RFX1: variants seen among roughly 807,000 people sequenced by gnomAD.
RFX1 encodes the protein regulatory factor X1, also known as MHC class II regulatory factor RFX1.
Under a neutral mutation model 119.6 loss-of-function variants are expected in RFX1, and 42 were observed. The ratio of observed to expected loss-of-function variants is 0.35; its 90% CI spans 0.27 to 0.45. The LOEUF (loss-of-function observed/expected upper bound fraction) is 0.45, where lower values mean the gene tolerates loss of function less well. RFX1 is among the 20% of genes least tolerant of loss of function. The pLI is 1.00. For synonymous variants in RFX1, 628 were observed against 618.5 expected (o/e 1.02, Z -0.23); for missense variants, 1,118 against 1,368.1 (o/e 0.82, Z 2.88).
In RFX1 at chr19:13,968,973, G is replaced by A. The variant is rs73517668; in HGVS notation, c.1497-79C>T. On this transcript the variant is annotated intron_variant, in intron 10 of 20. Transcript: ENST00000254325. The surrounding 1 kb of genome is among the most constrained non-coding windows in gnomAD (Gnocchi z 5.5). ...CCATGGAGCACCTCACAGCACACCC[G>A]TCTCCTCTCTGTTAGGAGAATGGAT... is the stretch of plus-strand genomic sequence containing the variant. 1.0e-3 allele frequency: 1,465 copies of A among 1,459,288 alleles called. 15 individuals carry two copies. In the African/African-American group the frequency reaches 0.018, roughly 18 times the overall value. 90.4% of individuals were successfully genotyped at this position (1,459,288 alleles called of 1,614,324 possible).
intron 2 of RFX1, among the ~76,000 whole-genome samples, chr19:13,984,848 C>T (rs1389447294): frequency 6.6e-6 from 1 of 152,186 alleles, no homozygotes; most frequent in Non-Finnish European, 1.5e-5. Context: ...AGACTCTGGA[C>T]AGCCAGAGAT....
At chr19:14,005,156 G>A (rs1975332883) in intron 1 of RFX1, among the ~76,000 whole-genome samples, 1 of 152,132 alleles carries the variant, frequency 6.6e-6, no homozygotes, top group South Asian at 2.1e-4. Flanking sequence ...ACAAACCCCC[G>A]CAACCTCAAA....
rs199908519 is a variant in RFX1, at chr19:13,965,596, C to T, written c.2113+30G>A. On this transcript the variant is annotated intron_variant, in intron 15 of 20. Transcript: ENST00000254325. This position sits in a 1 kb window ranked among gnomAD's most constrained non-coding sequence, Gnocchi z 4.7. ...CAGGGCAGGGCGGGTGTATGTGGGG[C>T]AGGGGATGCCGAGCAGGCCGAGCAC... 12 of 1,612,270 alleles carry T rather than the reference C, an allele frequency of 7.4e-6. No individual in the cohort carries two copies. In the African/African-American group the frequency reaches 1.3e-4, roughly 18 times the overall value.
chr19:13,977,972 A>C lies in RFX1; in HGVS notation c.929+20T>G. The C allele has an allele frequency of 1.3e-6, 2 of 1,568,092 alleles. No homozygotes were observed. Among genetic ancestry groups the C allele is most frequent in the Non-Finnish European group, 1.8e-6 (2 of 1,141,580 alleles). On this transcript the variant is annotated intron_variant, in intron 8 of 20. Coordinates refer to ENST00000254325, the MANE Select transcript of RFX1 (RefSeq NM_002918.5). ...CAGTGCAGACCTGACTCCCTCACCC[A>C]CCCCTCTCCCTTCACTTACATGGCA...
intron 4 of RFX1, among the ~76,000 whole-genome samples, chr19:13,982,681 G>A (rs900921298): frequency 2.6e-5 from 4 of 152,192 alleles, no homozygotes; most frequent in African/African-American, 9.7e-5. Context: ...GTGCACACCT[G>A]TAGTCTCAGC....
chr19:14,006,203 T>TG lies in RFX1; in HGVS notation c.-154dup, dbSNP rs946127689. The TG allele has an allele frequency of 6.6e-6, 1 of 151,286 alleles. No individual in the cohort carries two copies. Among genetic ancestry groups the TG allele is most frequent in the African/African-American group, 2.4e-5 (1 of 41,198 alleles). The allele number at this position is 151,286 out of a possible 1,614,324, so 9.4% of individuals were successfully genotyped here. ...CGTGCTGGGGTCCCCGGGCCGGGCC[T>TG]GGGGGGTGGGGGTGGGGGTCGGCCG... is the stretch of plus-strand genomic sequence containing the variant. On this transcript the variant is annotated 5_prime_UTR_variant, in exon 1 of 21. Transcript: ENST00000254325.
At chr19:13,974,494 A>T (rs1034774537) in intron 8 of RFX1, among the ~76,000 whole-genome samples, 1 of 152,126 alleles carries the variant, frequency 6.6e-6, no homozygotes, top group Non-Finnish European at 1.5e-5. Flanking sequence ...GGTGAAAGAG[A>T]AGGAGGCAAG....
intron 1 of RFX1, among the ~76,000 whole-genome samples, chr19:14,005,668 C>T (rs1432940921): frequency 6.6e-6 from 1 of 152,182 alleles, no homozygotes; most frequent in Non-Finnish European, 1.5e-5. Context: ...GAAGGCGGAC[C>T]GGGTGGTGGC....
rs1055868609 is a variant in RFX1 at position 13,995,375 on chromosome 19, C to T, written c.-52-1480G>A. On this transcript the variant is annotated intron_variant, in intron 1 of 20. Coordinates refer to ENST00000254325, the MANE Select transcript of RFX1 (RefSeq NM_002918.5). ...GGGAAGGTGTTTTGAGTCCAAAAAG[C>T]CCCTGTGAGCTGCATGGGGCCACAG... Among the ~76,000 whole-genome samples the T allele has an allele frequency of 1.1e-4, 16 of 152,222 alleles. No homozygotes were observed. The East Asian group carries it at 2.1e-3, about 20-fold the overall frequency.
chr19:13,995,516 G>A (rs1394143549), intron 1 of RFX1, among the ~76,000 whole-genome samples: 1 of 152,184 alleles, frequency 6.6e-6, no homozygotes, highest in East Asian at 1.9e-4. Flanking sequence ...AGCAGGCCCA[G>A]GCTGCACTGA....
rs1973879875 is a variant in RFX1, at chr19:13,965,867, C to G, written c.1962-90G>C. On this transcript the variant is annotated intron_variant, in intron 14 of 20. Transcript: ENST00000254325. This position sits in a 1 kb window ranked among gnomAD's most constrained non-coding sequence, Gnocchi z 4.7. ...GGGAACAGGTAGCCCCTGTCCCTGA[C>G]CCAGGGTCACTGGGGTACTCTGTGG... 12 of 1,458,668 alleles carry G rather than the reference C, an allele frequency of 8.2e-6. No individual in the cohort carries two copies. The highest frequency in any genetic ancestry group is 2.4e-4 in the Middle Eastern group (1 of 4,174). 90.4% of individuals were successfully genotyped at this position (1,458,668 alleles called of 1,614,324 possible).
chr19:13,973,131 G>A lies in RFX1; in HGVS notation c.930-4C>T, dbSNP rs376203395. 1 of 1,586,780 alleles carries A rather than the reference G, an allele frequency of 6.3e-7. No individual in the cohort carries two copies. The highest frequency in any genetic ancestry group is 2.3e-5 in the East Asian group (1 of 43,636). ...ATAGGAGTAGGTGCTGGAACGGCTGGGAAAGAGGCAAAGCCAAGGGAGAGT... is the reference window on the plus strand; with the variant it reads ...ATAGGAGTAGGTGCTGGAACGGCTGAGAAAGAGGCAAAGCCAAGGGAGAGT... On this transcript the variant is annotated splice_polypyrimidine_tract_variant and splice_region_variant and intron_variant, in intron 8 of 20. Transcript: ENST00000254325.
intron 9 of RFX1, among the ~76,000 whole-genome samples, chr19:13,971,740 T>C (rs978245326): frequency 6.6e-6 from 1 of 152,088 alleles, no homozygotes; most frequent in African/African-American, 2.4e-5. Flanking sequence ...CCAGGCGTGG[T>C]GGCTCACGTC....
At chr19:13,977,604 A>T (rs1407025571) in intron 8 of RFX1, among the ~76,000 whole-genome samples, 2 of 152,022 alleles carry the variant, frequency 1.3e-5, no homozygotes, top group African/African-American at 2.4e-5. Context: ...TTTAGTAGAG[A>T]CAGGGTTTCA....
rs906545616 is a variant in RFX1 at position 13,990,958 on chromosome 19, G to A, written c.319+2567C>T. 1.3e-5 allele frequency among the ~76,000 whole-genome samples: 2 copies of A among 152,174 alleles called. No homozygotes were observed. Among genetic ancestry groups the A allele is most frequent in the Non-Finnish European group, 2.9e-5 (2 of 68,042 alleles). Reference sequence around the variant, plus strand: ...TGCACCATTGCACTCCAGCCTGGGCGACAGAGCAAGACCCTGTCTCAAAAA... The same window carrying A: ...TGCACCATTGCACTCCAGCCTGGGCAACAGAGCAAGACCCTGTCTCAAAAA... On this transcript the variant is annotated intron_variant, in intron 2 of 20. Transcript: ENST00000254325. This position sits in a 1 kb window ranked among gnomAD's most constrained non-coding sequence, Gnocchi z 4.1.
intron 8 of RFX1, among the ~76,000 whole-genome samples, chr19:13,974,296 G>A (rs1290379459): frequency 6.6e-6 from 1 of 152,200 alleles, no homozygotes; most frequent in Non-Finnish European, 1.5e-5. Flanking sequence ...ATGCAGATAT[G>A]TTTCCCCTGA....
Position 13,980,762 on chromosome 19 carries a change from A to T in RFX1, c.622-73T>A. 8.5e-5 allele frequency: 17 copies of T among 198,944 alleles called. No homozygotes were observed. Among genetic ancestry groups the T allele is most frequent in the South Asian group, 2.2e-4 (2 of 9,268 alleles). The allele number at this position is 198,944 out of a possible 1,614,324, so 12.3% of individuals were successfully genotyped here. A position where few individuals can be genotyped will look rare whatever the true frequency, so the allele number is the denominator to read the frequency against. On this transcript the variant is annotated intron_variant, in intron 5 of 20. Transcript: ENST00000254325. The surrounding 1 kb of genome is among the most constrained non-coding windows in gnomAD (Gnocchi z 5.1). ...CTCTCTGAGGTGGGCTCACACACAC[A>T]CCCTTCTCAGGAGAGCTGTCTGGGG... is the stretch of plus-strand genomic sequence containing the variant.
In RFX1 at chr19:13,966,388, C is replaced by A. The variant is rs973825283; in HGVS notation, c.1961+33G>T. The A allele has an allele frequency of 6.8e-5, 98 of 1,433,012 alleles. No individual in the cohort carries two copies. The highest frequency in any genetic ancestry group is 1.8e-4 in the East Asian group (8 of 44,000). 88.8% of individuals were successfully genotyped at this position (1,433,012 alleles called of 1,614,324 possible). ...CCTGCGGGTCATGCCCTCCTCCCCCCTCTCCCTCCCACAGTCGCCGGGCAG... is the reference window on the plus strand; with the variant it reads ...CCTGCGGGTCATGCCCTCCTCCCCCATCTCCCTCCCACAGTCGCCGGGCAG... On this transcript the variant is annotated intron_variant, in intron 14 of 20. Transcript: ENST00000254325. The surrounding 1 kb of genome is among the most constrained non-coding windows in gnomAD (Gnocchi z 6.3).
rs1420446409 is a variant in RFX1 at position 13,970,137 on chromosome 19, G to A, written c.1353C>T (p.Gly451=). 4 of 1,613,198 alleles carry A rather than the reference G, an allele frequency of 2.5e-6. No homozygotes were observed. In the South Asian group the frequency reaches 3.3e-5, roughly 13 times the overall value. Reference sequence around the variant, plus strand: ...AGAGGGTGCTCCGTGGCAGACTCACGCCCTCAGCCGTCTCATAGTTGTCCA... The same window carrying A: ...AGAGGGTGCTCCGTGGCAGACTCACACCCTCAGCCGTCTCATAGTTGTCCA... ...WLLDNYETAE[G]VSLPRSTLYC... Residue 451 remains glycine, a synonymous_variant, in exon 10 of 21, where the codon GGC becomes GGT. Transcript: ENST00000254325.
Sources: gnomAD v4.1 joint callset for allele counts (sites outside exome capture counted in the v4.1 genomes callset) on GRCh38, gnomAD v4.1.1 for gene constraint, Gnocchi (gnomAD v3.1) non-coding constraint, MANE v1.5 for transcripts, NCBI Gene and HGNC (gene_info 2026-07-23, HGNC 2026-07-21) for gene names.